ATXN7: variants seen among roughly 807,000 people sequenced by gnomAD.
ATXN7 encodes ataxin-7.
ATXN7 carries 12 observed loss-of-function variants against 70.5 expected under a neutral mutation model. The ratio of observed to expected loss-of-function variants is 0.17; its 90% CI spans 0.11 to 0.28. The LOEUF is 0.28. Among genes scored for constraint, ATXN7 ranks in the 10% least tolerant of loss-of-function variants. The probability of loss-of-function intolerance (pLI) is 1.00; values close to 1 mark genes in which losing one functional copy is unlikely to be tolerated. For missense variants in ATXN7, 1,256 were observed against 1,131.7 expected (o/e 1.11, Z -1.58); for synonymous variants, 498 against 448.7 (o/e 1.11, Z -1.39).
chr3:63,999,254 G>T (rs2075806752), intron 12 of ATXN7, 196 bp from the exon 13 acceptor site: 1 of 556,210 alleles, frequency 1.8e-6, no homozygotes, highest in East Asian at 2.9e-5. Flanking sequence ...TCTTTGCAAT[G>T]ATTGTGCCCA....
intron 4 of ATXN7, among the ~76,000 whole-genome samples, chr3:63,946,310 G>C (rs1433143863): frequency 6.6e-6 from 1 of 152,124 alleles, no homozygotes; most frequent in East Asian, 1.9e-4. Flanking sequence ...GCAGAGAGAA[G>C]AGCTTTCTAT....
chr3:63,991,305 T>G (rs113934636), intron 11 of ATXN7, among the ~76,000 whole-genome samples: 17 of 122,630 alleles, frequency 1.4e-4, no homozygotes, highest in South Asian at 1.2e-3. Flanking sequence ...CCTGGTTTTT[T>G]TTTTGTTTTG....
intron 2 of ATXN7, among the ~76,000 whole-genome samples, chr3:63,907,372 T>C (rs900753433): frequency 6.6e-6 from 1 of 152,096 alleles, no homozygotes; most frequent in Non-Finnish European, 1.5e-5. Context: ...CTGCATTTTA[T>C]GGTAGCTGAC....
At chr3:63,948,511 T>C (rs1156882739) in intron 4 of ATXN7, among the ~76,000 whole-genome samples, 1 of 152,026 alleles carries the variant, frequency 6.6e-6, no homozygotes, top group Non-Finnish European at 1.5e-5. Context: ...TGTAGAAGTT[T>C]GGGATGCGTG....
At chr3:63,868,415 C>T (rs919278574) in intron 1 of ATXN7, among the ~76,000 whole-genome samples, 5 of 152,046 alleles carry the variant, frequency 3.3e-5, no homozygotes, top group African/African-American at 7.3e-5. Context: ...CTCTTTGGCC[C>T]GCAAGAAGGA....
chr3:63,957,157 T>A (rs1575949592), intron 5 of ATXN7, among the ~76,000 whole-genome samples: 1 of 152,212 alleles, frequency 6.6e-6, no homozygotes, highest in Non-Finnish European at 1.5e-5. Flanking sequence ...CTGAGTTTGC[T>A]TATGAAGAAT....
chr3:63,989,119 C>T (rs986469612), intron 9 of ATXN7, among the ~76,000 whole-genome samples: 1 of 152,160 alleles, frequency 6.6e-6, no homozygotes, highest in Non-Finnish European at 1.5e-5. Context: ...GCATCTCCCT[C>T]GTGGAAACCC....
intron 4 of ATXN7, among the ~76,000 whole-genome samples, chr3:63,939,454 T>C (rs544107723): frequency 1.8e-3 from 272 of 152,298 alleles, no homozygotes; most frequent in Non-Finnish European, 2.6e-3. Flanking sequence ...CGAAGCAATG[T>C]TGAACATAAT....
At chr3:63,971,811 T>C (rs1234852702) in intron 5 of ATXN7, among the ~76,000 whole-genome samples, 1 of 152,220 alleles carries the variant, frequency 6.6e-6, no homozygotes, top group Admixed American at 6.5e-5. Flanking sequence ...GGTCTAGATA[T>C]TGTGCAGATT....
chr3:63,925,768 C>T (rs755269263), intron 4 of ATXN7, among the ~76,000 whole-genome samples: 1 of 152,100 alleles, frequency 6.6e-6, no homozygotes, highest in Non-Finnish European at 1.5e-5. Context: ...AAGTAGAGAT[C>T]AGGAAAGGAA....
At chr3:63,927,124 A>G (rs888733135) in intron 4 of ATXN7, among the ~76,000 whole-genome samples, 3 of 152,196 alleles carry the variant, frequency 2.0e-5, no homozygotes, top group African/African-American at 7.2e-5. Flanking sequence ...CAGTAAACAT[A>G]CGTGTACGTG....
intron 1 of ATXN7, among the ~76,000 whole-genome samples, chr3:63,884,233 AC>A (rs1559619569): frequency 7.1e-6 from 1 of 141,622 alleles, no homozygotes; most frequent in Non-Finnish European, 1.6e-5. Flanking sequence ...ACACACACAC[AC>A]ACACACATAC....
intron 4 of ATXN7, among the ~76,000 whole-genome samples, chr3:63,947,090 G>A (rs2074876434): frequency 6.6e-6 from 1 of 152,106 alleles, no homozygotes; most frequent in African/African-American, 2.4e-5. Flanking sequence ...ATACTAGTTT[G>A]TGAGATTTCA....
At chr3:63,996,564 G>A in intron 12 of ATXN7, 81 bp downstream of exon 12, 6 of 1,386,854 alleles carry the variant, frequency 4.3e-6, no homozygotes, top group Non-Finnish European at 5.7e-6. Flanking sequence ...AATGTGTTTG[G>A]TTGGGTTGGT....
rs1037414995 is a variant in ATXN7, at chr3:63,912,628, G to T, written c.30G>T (p.Arg10Ser). The change falls in exon 3 of 13, where the codon AGG becomes AGT. Residue 10 changes from arginine (R) to serine (S), a missense_variant. Physicochemically the swap from Arg to Ser is moderately radical, Grantham distance 110. Transcript: ENST00000674280. ...CGGAGCGGGCCGCGGATGACGTCAG[G>T]GGGGAGCCGCGCCGCGCGGCGGCGG... The part of the protein sequence containing the change: MSERAADDV[R>S]GEPRRAAAAA... 1.4e-5 allele frequency: 15 copies of T among 1,061,274 alleles called. No individual in the cohort carries two copies. The highest frequency in any genetic ancestry group is 9.3e-5 in the East Asian group (1 of 10,748). 65.7% of individuals were successfully genotyped at this position (1,061,274 alleles called of 1,614,324 possible).
chr3:63,885,512 G>A (rs1162005715), intron 1 of ATXN7, among the ~76,000 whole-genome samples: 2 of 152,070 alleles, frequency 1.3e-5, no homozygotes, highest in Admixed American at 1.3e-4. Context: ...TTATAGTACA[G>A]CCATTAAGAA....
At chr3:63,943,808 A>AG (rs1257743671) in intron 4 of ATXN7, among the ~76,000 whole-genome samples, 1 of 152,144 alleles carries the variant, frequency 6.6e-6, no homozygotes, top group African/African-American at 2.4e-5. Flanking sequence ...AGCTCTTTGC[A>AG]GGGTACTCTA....
chr3:63,958,665 T>G (rs968659268), intron 5 of ATXN7, among the ~76,000 whole-genome samples: 3 of 145,078 alleles, frequency 2.1e-5, no homozygotes, highest in Admixed American at 6.7e-5. Context: ...AAAGAAAATG[T>G]TTTTTTTCTC....
At chr3:63,999,394 G>A (rs1287722317) in intron 12 of ATXN7, 56 bp from the exon 13 acceptor site, 6 of 1,390,268 alleles carry the variant, frequency 4.3e-6, no homozygotes, top group Non-Finnish European at 5.1e-6. Flanking sequence ...ATAGAGTGCA[G>A]TGTACAAACG....
Sources: allele counts gnomAD v4.1 joint callset (sites outside exome capture counted in the v4.1 genomes callset), GRCh38; gene constraint gnomAD v4.1.1; transcripts MANE v1.5; gene names NCBI Gene and HGNC (gene_info 2026-07-23, HGNC 2026-07-21).